The following RBFOX1 variants were observed in gnomAD, a reference collection of about 807,000 sequenced individuals.
RBFOX1 encodes RNA binding protein fox-1 homolog 1.
RBFOX1 carries 8 observed loss-of-function variants against 57.7 expected under a neutral mutation model. The observed-to-expected ratio is 0.14, with a 90% CI of 0.08 to 0.25. The LOEUF (loss-of-function observed/expected upper bound fraction) is 0.25. RBFOX1 is among the 10% of genes least tolerant of loss of function. RBFOX1 has a pLI of 1.00. For synonymous variants in RBFOX1, 326 were observed against 222.4 expected (o/e 1.47, Z -4.15); for missense variants, 611 against 548.5 (o/e 1.11, Z -1.14).
chr16:7,420,768 C>T (rs895925999), intron 4 of RBFOX1, among the ~76,000 whole-genome samples: 1 of 147,086 alleles, frequency 6.8e-6, no homozygotes, highest in African/African-American at 2.5e-5. Context: ...TTATATTGAT[C>T]TTTTTTTTTT....
chr16:5,642,861 G>A (rs1366482907), intron 3 of RBFOX1, among the ~76,000 whole-genome samples: 1 of 152,136 alleles, frequency 6.6e-6, no homozygotes, highest in Non-Finnish European at 1.5e-5. Flanking sequence ...ATGACTCTGT[G>A]GCCCCTAGAG....
intron 2 of RBFOX1, among the ~76,000 whole-genome samples, chr16:6,492,971 G>C (rs1429367319): frequency 2.0e-5 from 3 of 152,250 alleles, no homozygotes; most frequent in Admixed American, 1.3e-4. Flanking sequence ...GTATGACTAA[G>C]AGAGGGGCAG....
At chr16:6,184,631 T>G (rs1567633565) in intron 1 of RBFOX1, among the ~76,000 whole-genome samples, 1 of 152,108 alleles carries the variant, frequency 6.6e-6, no homozygotes, top group Non-Finnish European at 1.5e-5. Flanking sequence ...GCGATCTCAG[T>G]TCACTGCAAC....
At chr16:6,819,925 C>A (rs939445356) in intron 3 of RBFOX1, among the ~76,000 whole-genome samples, 1 of 152,046 alleles carries the variant, frequency 6.6e-6, no homozygotes, top group Non-Finnish European at 1.5e-5. Flanking sequence ...GGAGACTGTT[C>A]CTGCAGAGGT....
chr16:6,346,315 C>T (rs1204276607), intron 2 of RBFOX1, among the ~76,000 whole-genome samples: 1 of 152,164 alleles, frequency 6.6e-6, no homozygotes, highest in Admixed American at 6.5e-5. Context: ...CTATATTTGG[C>T]CTGAGGATGC....
At chr16:7,084,504 A>G (rs570382502) in intron 4 of RBFOX1, among the ~76,000 whole-genome samples, 2 of 152,308 alleles carry the variant, frequency 1.3e-5, no homozygotes, top group Admixed American at 6.5e-5. Context: ...TCAGAAGGCC[A>G]CTTGTGAGAA....
intron 3 of RBFOX1, among the ~76,000 whole-genome samples, chr16:6,906,563 A>G (rs2153423239): frequency 6.6e-6 from 1 of 152,248 alleles, no homozygotes; most frequent in African/African-American, 2.4e-5. Context: ...TTCTTTGTCA[A>G]GTTAAAAACA....
In RBFOX1 at chr16:7,248,958, G is replaced by T. The variant is rs74013346; in HGVS notation, c.27+196860G>T. Among the ~76,000 whole-genome samples the T allele has an allele frequency of 5.5e-3, 840 of 152,284 alleles. 6 individuals are homozygous for T. Among genetic ancestry groups the T allele is most frequent in the African/African-American group, 0.019 (775 of 41,566 alleles). ...GTAGCACCATCTTGTTCTAGGAGAG[G>T]TCCCTTTGTCTGTGGAATCCCAGAT... is the stretch of plus-strand genomic sequence containing the variant. On this transcript the variant is annotated intron_variant, in intron 4 of 15. Transcript: ENST00000550418.
At chr16:7,672,730 G>T (rs2071885630) in intron 13 of RBFOX1, among the ~76,000 whole-genome samples, 1 of 151,766 alleles carries the variant, frequency 6.6e-6, no homozygotes, top group Non-Finnish European at 1.5e-5. Flanking sequence ...AGCCAGGCGT[G>T]GTGGCACATG....
chr16:5,933,492 T>C (rs1463342504), intron 4 of RBFOX1, among the ~76,000 whole-genome samples: 1 of 152,128 alleles, frequency 6.6e-6, no homozygotes, highest in Non-Finnish European at 1.5e-5. Flanking sequence ...CAGGGTTGAA[T>C]CTCCTTGTTT....
intron 10 of RBFOX1, among the ~76,000 whole-genome samples, chr16:7,620,449 C>T (rs934711756): frequency 6.6e-6 from 1 of 152,190 alleles, no homozygotes; most frequent in Non-Finnish European, 1.5e-5. Flanking sequence ...CATTATTTCT[C>T]CTCTGCATTT....
At position 6,654,585 on chromosome 16, in the gene RBFOX1, C is replaced by G; in HGVS notation, c.-63-18C>G. 4 of 1,501,398 alleles carry G rather than the reference C, an allele frequency of 2.7e-6. No individual in the cohort carries two copies. Among genetic ancestry groups the G allele is most frequent in the Non-Finnish European group, 3.5e-6 (4 of 1,132,666 alleles). 93.0% of individuals were successfully genotyped at this position (1,501,398 alleles called of 1,614,324 possible). A position where few individuals can be genotyped will look rare whatever the true frequency, so the allele number is the denominator to read the frequency against. On this transcript the variant is annotated intron_variant, in intron 2 of 15. Coordinates refer to ENST00000550418, the MANE Select transcript of RBFOX1 (RefSeq NM_018723.4). ...CCTGTTCTTTCTCTCACTTTCCTTT[C>G]TTTTCTTCTCTTCTCAGGATATCAA...
intron 1 of RBFOX1, among the ~76,000 whole-genome samples, chr16:6,182,817 A>C (rs950500016): frequency 6.6e-6 from 1 of 152,216 alleles, no homozygotes; most frequent in Admixed American, 6.5e-5. Flanking sequence ...CTATTTTTAC[A>C]TAATTCTTTT....
chr16:6,784,547 C>G (rs949219641), intron 3 of RBFOX1, among the ~76,000 whole-genome samples: 6 of 152,104 alleles, frequency 3.9e-5, no homozygotes, highest in Non-Finnish European at 5.9e-5. Flanking sequence ...GTTGAGTTTT[C>G]TCAAGACAAC....
chr16:5,536,274 G>A (rs535734846), intron 2 of RBFOX1, among the ~76,000 whole-genome samples: 49 of 129,162 alleles, frequency 3.8e-4, no homozygotes, highest in South Asian at 9.7e-4. Context: ...CTTGCTTGTC[G>A]CCTAGGCTGG....
chr16:6,116,811 C>G (rs1352556834), intron 1 of RBFOX1, among the ~76,000 whole-genome samples: 2 of 151,700 alleles, frequency 1.3e-5, no homozygotes, highest in Middle Eastern at 3.2e-3. Flanking sequence ...CATGGGACAG[C>G]AGAGAAGAGA....
chr16:6,357,829 C>G (rs1253989657), intron 2 of RBFOX1, among the ~76,000 whole-genome samples: 1 of 151,892 alleles, frequency 6.6e-6, no homozygotes, highest in South Asian at 2.1e-4. Context: ...TGGGTGCCTG[C>G]AGTCCCAACT....
intron 2 of RBFOX1, among the ~76,000 whole-genome samples, chr16:6,478,984 C>G (rs985496061): frequency 6.6e-6 from 1 of 151,970 alleles, no homozygotes; most frequent in African/African-American, 2.4e-5. Context: ...AAAGTGGCAC[C>G]AATAGACTTG....
chr16:5,668,848 C>G (rs966331613), intron 3 of RBFOX1, among the ~76,000 whole-genome samples: 2 of 152,172 alleles, frequency 1.3e-5, no homozygotes, highest in African/African-American at 4.8e-5. Flanking sequence ...GTGGAGCACA[C>G]TTTTGACTCC....
Sources: allele counts gnomAD v4.1 joint callset (sites outside exome capture counted in the v4.1 genomes callset), GRCh38; gene constraint gnomAD v4.1.1; transcripts MANE v1.5; gene names NCBI Gene and HGNC (gene_info 2026-07-23, HGNC 2026-07-21).